The following TRIM6 variants were observed in gnomAD, a reference collection of about 807,000 sequenced individuals.
TRIM6 encodes the protein tripartite motif containing 6.
TRIM6 carries 43 observed loss-of-function variants against 51.2 expected under a neutral mutation model. That is an observed-to-expected ratio of 0.84 (90% CI 0.66 to 1.08). The LOEUF is 1.08. TRIM6 is among the 50% of genes least tolerant of loss of function. The probability of loss-of-function intolerance (pLI) is 0.00; values close to 1 mark genes in which losing one functional copy is unlikely to be tolerated. For synonymous variants in TRIM6, 215 were observed against 232.4 expected (o/e 0.93, Z 0.68); for missense variants, 669 against 619.0 (o/e 1.08, Z -0.86).
chr11:5,605,855 T>C (rs1441612531), intron 4 of TRIM6, among the ~76,000 whole-genome samples: 1 of 152,228 alleles, frequency 6.6e-6, no homozygotes. Flanking sequence ...TGTTCTTTCT[T>C]TCTCAGTCTT....
At position 5,610,895 on chromosome 11, in the gene TRIM6, T is replaced by C. The variant is rs1297109484; in HGVS notation, c.1104T>C (p.Tyr368=). The part of the protein sequence containing the change: ...VSGPSCLEKH[Y]DCSVLGSQHF... ...GACCTTCCTGTCTGGAAAAGCATTA[T>C]GACTGTAGTGTCCTGGGCTCCCAGC... The change falls in exon 8 of 8, where the codon TAT becomes TAC. Residue 368 remains tyrosine (Y), a synonymous_variant. Coordinates refer to ENST00000380097, the MANE Select transcript of TRIM6 (RefSeq NM_001003818.3). 1 of 1,614,110 alleles carries C rather than the reference T, an allele frequency of 6.2e-7. No homozygotes were observed. Among genetic ancestry groups the C allele is most frequent in the Non-Finnish European group, 8.5e-7 (1 of 1,180,044 alleles).
At chr11:5,597,395 C>T (rs1160009484) in intron 1 of TRIM6, among the ~76,000 whole-genome samples, 1 of 152,148 alleles carries the variant, frequency 6.6e-6, no homozygotes, top group Non-Finnish European at 1.5e-5. Context: ...TTATAGGTTT[C>T]TGAAATGCAG....
chr11:5,609,786 G>A (rs1175204638), intron 5 of TRIM6, among the ~76,000 whole-genome samples: 1 of 152,130 alleles, frequency 6.6e-6, no homozygotes, highest in Non-Finnish European at 1.5e-5. Context: ...AGCCAGGCGT[G>A]GTGGCACGCG....
intron 4 of TRIM6, among the ~76,000 whole-genome samples, chr11:5,607,184 A>G (rs1590108246): frequency 6.6e-6 from 1 of 152,124 alleles, no homozygotes; most frequent in Non-Finnish European, 1.5e-5. Flanking sequence ...AGCCTGGGCG[A>G]CAGAGCAAGA....
rs535862444 is a variant in TRIM6 at position 5,605,573 on chromosome 11, G to T, written c.834+6G>T. ...CAACAATGGAGCTGCTGCAGGTAAG[G>T]CTTGTGAAGGAGCCCAGATCTGAGA... On this transcript the variant is annotated splice_donor_region_variant and intron_variant, in intron 4 of 7. Coordinates refer to ENST00000380097, the MANE Select transcript of TRIM6 (RefSeq NM_001003818.3). 6.2e-7 allele frequency: 1 copy of T among 1,609,806 alleles called. No homozygotes were observed. The highest frequency in any genetic ancestry group is 2.2e-5 in the East Asian group (1 of 44,852).
At chr11:5,605,193 G>C (rs1182299728) in intron 3 of TRIM6, 144 bp from the exon 4 acceptor site, 2 of 1,093,276 alleles carry the variant, frequency 1.8e-6, no homozygotes, top group African/African-American at 3.1e-5. Flanking sequence ...AGGCTACAAA[G>C]GCTTTCTCCT....
intron 1 of TRIM6, among the ~76,000 whole-genome samples, chr11:5,602,518 G>C (rs11038295): frequency 0.13 from 20,084 of 151,818 alleles, 1,734 homozygotes; most frequent in East Asian, 0.24. Flanking sequence ...CTTCTGATAA[G>C]GGAATAGGTA....
At position 5,612,693 on chromosome 11, in the gene TRIM6, T is replaced by G. The variant is rs151276970; in HGVS notation, c.*1351T>G. ...GCTATAAAAGAAATTAAGAGGTACA[T>G]GTGAGGGTAGAAACAAATATCAAGG... is the stretch of plus-strand genomic sequence containing the variant. On this transcript the variant is annotated 3_prime_UTR_variant, in exon 8 of 8. Coordinates refer to ENST00000380097, the MANE Select transcript of TRIM6 (RefSeq NM_001003818.3). The G allele has an allele frequency of 6.6e-6, 1 of 152,164 alleles. No homozygotes were observed. The highest frequency in any genetic ancestry group is 6.5e-5 in the Admixed American group (1 of 15,284). 9.4% of individuals were successfully genotyped at this position (152,164 alleles called of 1,614,324 possible). A position where few individuals can be genotyped will look rare whatever the true frequency, so the allele number is the denominator to read the frequency against.
chr11:5,610,022 G>T, intron 5 of TRIM6, 123 bp from the exon 6 acceptor site: 2 of 944,898 alleles, frequency 2.1e-6, no homozygotes, highest in South Asian at 3.3e-5. Context: ...TTTGCAGAAT[G>T]ATGCTAAGTG....
chr11:5,611,265 T>C lies in TRIM6; in HGVS notation c.1474T>C (p.Phe492Leu), dbSNP rs1204298845. 2 of 1,613,978 alleles carry C rather than the reference T, an allele frequency of 1.2e-6. No individual in the cohort carries two copies. Among genetic ancestry groups the C allele is most frequent in the Non-Finnish European group, 1.7e-6 (2 of 1,179,962 alleles). ...FPIYTFSKYY[F>L]PTTLCPYFNP... is the part of the protein sequence containing the mutation. ...CATCTACACTTTCTCTAAATATTAC[T>C]TTCCCACTACTCTTTGTCCATATTT... The change falls in exon 8 of 8, where the codon TTT (phenylalanine) becomes CTT (leucine). Residue 492 changes from phenylalanine to leucine, a missense_variant. Transcript: ENST00000380097.
At chr11:5,606,795 C>T (rs895513394) in intron 4 of TRIM6, among the ~76,000 whole-genome samples, 12 of 152,128 alleles carry the variant, frequency 7.9e-5, no homozygotes, top group Admixed American at 7.2e-4. Context: ...TATGACTGCC[C>T]CACGGACATT....
At position 5,604,399 on chromosome 11, in the gene TRIM6, C is replaced by T. The variant is rs896925530; in HGVS notation, c.508-135C>T. ...TGTATATATATAAAAGATTTGTTGG[C>T]CCTCTCAAGTTTTCATCCTAGGTTA... On this transcript the variant is annotated intron_variant, in intron 2 of 7. Coordinates refer to ENST00000380097, the MANE Select transcript of TRIM6 (RefSeq NM_001003818.3). 5 of 885,120 alleles carry T rather than the reference C, an allele frequency of 5.6e-6. No homozygotes were observed. In the Admixed American group the frequency reaches 8.0e-5, roughly 14 times the overall value. The allele number at this position is 885,120 out of a possible 1,614,324, so 54.8% of individuals were successfully genotyped here.
chr11:5,610,582 CT>C, intron 7 of TRIM6, 21 bp downstream of exon 7: 1 of 1,609,682 alleles, frequency 6.2e-7, no homozygotes, highest in Non-Finnish European at 8.5e-7. Flanking sequence ...GCCATGGCCT[CT>C]TTGGGCTGGC....
chr11:5,604,009 A>G (rs1848040478), intron 2 of TRIM6, among the ~76,000 whole-genome samples: 2 of 151,922 alleles, frequency 1.3e-5, no homozygotes, highest in Non-Finnish European at 2.9e-5. Context: ...TCATGTATTT[A>G]TTTTGAGAAG....
At chr11:5,610,094 G>C (rs780238744) in intron 5 of TRIM6, 51 bp from the exon 6 acceptor site, 3 of 1,600,088 alleles carry the variant, frequency 1.9e-6, no homozygotes, top group Non-Finnish European at 2.6e-6. Flanking sequence ...ATGGGTGGTG[G>C]AGGAACCCAC....
In TRIM6 at chr11:5,610,191, C is replaced by T; in HGVS notation, c.904C>T (p.Leu302=). The change falls in exon 6 of 8, where the codon CTG becomes TTG. Residue 302 remains leucine, a synonymous_variant. Transcript: ENST00000380097. Reference sequence around the variant, plus strand: ...GAAGCCAGAAGCTCTCCCTACAAAGCTGAGAAGTATGTTCCGAGCCCCAGA... The same window carrying T: ...GAAGCCAGAAGCTCTCCCTACAAAGTTGAGAAGTATGTTCCGAGCCCCAGA... ...LRKPEALPTK[L]RSMFRAPDLK... 1 of 1,614,078 alleles carries T rather than the reference C, an allele frequency of 6.2e-7. No homozygotes were observed. The highest frequency in any genetic ancestry group is 1.1e-5 in the South Asian group (1 of 91,070).
intron 4 of TRIM6, 94 bp downstream of exon 4, chr11:5,605,661 G>A: frequency 7.0e-7 from 1 of 1,433,122 alleles, no homozygotes; most frequent in Admixed American, 2.7e-5. Flanking sequence ...ATCGTTGCAG[G>A]GACAAGAGAA....
intron 1 of TRIM6, among the ~76,000 whole-genome samples, chr11:5,602,537 G>GT (rs1359454665): frequency 7.9e-5 from 12 of 152,056 alleles, no homozygotes; most frequent in African/African-American, 2.9e-4. Context: ...TAGGAAGCTA[G>GT]TAAGTCATGC....
In TRIM6 at chr11:5,608,352, C is replaced by G. The variant is rs1564869402; in HGVS notation, c.835-20C>G. 1.2e-6 allele frequency: 2 copies of G among 1,613,206 alleles called. No homozygotes were observed. Among genetic ancestry groups the G allele is most frequent in the African/African-American group, 1.3e-5 (1 of 74,970 alleles). On this transcript the variant is annotated intron_variant, in intron 4 of 7. Transcript: ENST00000380097. ...CATGACCTGTTACTCCTTGACTTAACCTGTCTTTTTCCTTCCTAGGATGTG... is the reference window on the plus strand; with the variant it reads ...CATGACCTGTTACTCCTTGACTTAAGCTGTCTTTTTCCTTCCTAGGATGTG...
Sources: gnomAD v4.1 joint callset for allele counts (sites outside exome capture counted in the v4.1 genomes callset) on GRCh38, gnomAD v4.1.1 for gene constraint, MANE v1.5 for transcripts, NCBI Gene and HGNC (gene_info 2026-07-23, HGNC 2026-07-21) for gene names.